The following SGIP1 variants were observed in gnomAD, a reference collection of about 807,000 sequenced individuals.
SGIP1 encodes SH3GL interacting endocytic adaptor 1, also known as SH3-containing GRB2-like protein 3-interacting protein 1.
SGIP1 carries 38 observed loss-of-function variants against 107.5 expected under a neutral mutation model. The ratio of observed to expected loss-of-function variants is 0.35; its 90% CI spans 0.27 to 0.46. The LOEUF is 0.46. SGIP1 is among the 20% of genes least tolerant of loss of function. The pLI, the probability that SGIP1 is intolerant of heterozygous loss-of-function variation, is 1.00. For missense variants in SGIP1, 929 were observed against 1,019.5 expected, an observed-to-expected ratio of 0.91 and a Z score of 1.21; for synonymous variants, 365 against 366.1, an observed-to-expected ratio of 1.00 and a Z score of 0.03.
intron 1 of SGIP1, among the ~76,000 whole-genome samples, chr1:66,565,173 AT>A (rs1217793707): frequency 2.2e-4 from 33 of 152,134 alleles, no homozygotes; most frequent in Non-Finnish European, 4.1e-4. Context: ...CTGCTAATGC[AT>A]TGTCATCTGA....
intron 7 of SGIP1, among the ~76,000 whole-genome samples, chr1:66,650,391 G>T (rs140268757): frequency 6.6e-6 from 1 of 152,092 alleles, no homozygotes; most frequent in African/African-American, 2.4e-5. Context: ...CAAAATATAT[G>T]TTGAGCACCT....
intron 7 of SGIP1, among the ~76,000 whole-genome samples, chr1:66,646,529 T>A (rs1480036407): frequency 6.6e-6 from 1 of 152,214 alleles, no homozygotes; most frequent in Non-Finnish European, 1.5e-5. Context: ...TTTTCATTTA[T>A]TTGTTAATAT....
chr1:66,690,385 C>T (rs1014800609), intron 17 of SGIP1, 69 bp downstream of exon 17: 4 of 1,584,878 alleles, frequency 2.5e-6, no homozygotes, highest in Non-Finnish European at 3.4e-6. Context: ...ATCTGAAATC[C>T]CCAAGGCCCT....
intron 19 of SGIP1, among the ~76,000 whole-genome samples, chr1:66,727,148 C>T (rs796233751): frequency 1.3e-5 from 2 of 152,134 alleles, no homozygotes; most frequent in African/African-American, 4.8e-5. Flanking sequence ...ACAAAACAAG[C>T]CACAGACTGG....
At chr1:66,627,390 G>T (rs1259216361) in intron 2 of SGIP1, among the ~76,000 whole-genome samples, 1 of 152,154 alleles carries the variant, frequency 6.6e-6, no homozygotes, top group African/African-American at 2.4e-5. Context: ...GGGGCAGTTT[G>T]TCTACTTGGG....
chr1:66,618,903 T>C (rs1344891229), intron 1 of SGIP1, among the ~76,000 whole-genome samples: 1 of 152,090 alleles, frequency 6.6e-6, no homozygotes, highest in Non-Finnish European at 1.5e-5. Flanking sequence ...TCAAATTGGG[T>C]TTTAAACCCA....
rs148084183 is a variant in SGIP1 at position 66,682,111 on chromosome 1, G to A, written c.1057G>A (p.Gly353Ser). 4.3e-5 allele frequency: 69 copies of A among 1,613,608 alleles called. No homozygotes were observed. Among genetic ancestry groups the A allele is most frequent in the South Asian group, 5.5e-5 (5 of 91,078 alleles). ...PADSPAPGPL[G>S]PPGPTGPPGP... ...TGACTCCCCAGCTCCAGGCCCTCTCGGCCCCCCAGGTCCCACAGGCCCCCC... is the reference window on the plus strand; with the variant it reads ...TGACTCCCCAGCTCCAGGCCCTCTCAGCCCCCCAGGTCCCACAGGCCCCCC... The change falls in exon 15 of 25, where the codon GGC becomes AGC. Residue 353 changes from glycine to serine, a missense_variant. Physicochemically the swap from Gly to Ser is moderately conservative, Grantham distance 56. Coordinates refer to ENST00000371037, the MANE Select transcript of SGIP1 (RefSeq NM_032291.4).
intron 13 of SGIP1, among the ~76,000 whole-genome samples, chr1:66,678,849 G>A (rs903193008): frequency 6.6e-6 from 1 of 152,138 alleles, no homozygotes; most frequent in Non-Finnish European, 1.5e-5. Context: ...GAGATTGGAC[G>A]GCATTCAGAT....
rs753716831 is a variant in SGIP1 at position 66,660,541 on chromosome 1, TC to T, written c.471+20del. 4.3e-5 allele frequency: 69 copies of T among 1,606,690 alleles called. No homozygotes were observed. The South Asian group carries it at 6.9e-4, about 16-fold the overall frequency. On this transcript the variant is annotated intron_variant, in intron 8 of 24. Transcript: ENST00000371037. ...AAAAGTCCGGTAAGAAATAAGTCCT[TC>T]CCGCTTTTGGGGCAAACATTATTTA... is the stretch of plus-strand genomic sequence containing the variant.
rs560350976 is a variant in SGIP1, at chr1:66,548,182, G to A, written c.10+13814G>A. ...TCTTTAGACAATTACTTGGGTTGTC[G>A]GATGGACTTTAGTAGCTACAGATGG... On this transcript the variant is annotated intron_variant, in intron 1 of 24. Coordinates refer to ENST00000371037, the MANE Select transcript of SGIP1 (RefSeq NM_032291.4). Among the ~76,000 whole-genome samples, 30 of 152,222 alleles carry A rather than the reference G, an allele frequency of 2.0e-4. No homozygotes were observed. The South Asian group carries it at 5.2e-3, about 26-fold the overall frequency.
rs377566764 is a variant in SGIP1 at position 66,703,251 on chromosome 1, C to T, written c.1630+7758C>T. Reference sequence around the variant, plus strand: ...GAAGAATAGAAGAAAGAGAAGAGTTCGGCACTTCCTATGCAAAGCATCCTG... The same window carrying T: ...GAAGAATAGAAGAAAGAGAAGAGTTTGGCACTTCCTATGCAAAGCATCCTG... On this transcript the variant is annotated intron_variant, in intron 18 of 24. Coordinates refer to ENST00000371037, the MANE Select transcript of SGIP1 (RefSeq NM_032291.4). Among the ~76,000 whole-genome samples, 22 of 152,192 alleles carry T rather than the reference C, an allele frequency of 1.4e-4. No individual in the cohort carries two copies. The East Asian group carries it at 3.9e-3, about 27-fold the overall frequency.
intron 1 of SGIP1, among the ~76,000 whole-genome samples, chr1:66,563,442 G>GC (rs2059230956): frequency 6.6e-6 from 1 of 152,018 alleles, no homozygotes; most frequent in South Asian, 2.1e-4. Context: ...AGAGTGACTT[G>GC]CCCGATTCCA....
chr1:66,594,488 G>T (rs924235066), intron 1 of SGIP1, among the ~76,000 whole-genome samples: 8 of 152,058 alleles, frequency 5.3e-5, no homozygotes, highest in African/African-American at 1.7e-4. Flanking sequence ...AAGCAAAGTG[G>T]CTTCAGAAAA....
chr1:66,646,970 C>A (rs1440335145), intron 7 of SGIP1, among the ~76,000 whole-genome samples: 1 of 152,138 alleles, frequency 6.6e-6, no homozygotes, highest in Non-Finnish European at 1.5e-5. Context: ...TGATAAGATA[C>A]CAAGCTTACA....
rs750305706 is a variant in SGIP1 at position 66,681,891 on chromosome 1, G to A, written c.837G>A (p.Glu279=). Residue 279 remains glutamate, a synonymous_variant, in exon 15 of 25, where the codon GAG becomes GAA. Transcript: ENST00000371037. ...IGPGNDQSAT[E]VKIEKLPSIN... is the part of the protein sequence containing the mutation. ...CAGGAAATGACCAGTCAGCCACAGA[G>A]GTCAAAATTGAAAAACTACCATCCA... The A allele has an allele frequency of 2.5e-6, 4 of 1,613,202 alleles. No homozygotes were observed. The highest frequency in any genetic ancestry group is 2.7e-5 in the African/African-American group (2 of 74,904).
At chr1:66,719,180 G>A in intron 18 of SGIP1, 114 bp from the exon 19 acceptor site, 1 of 613,334 alleles carries the variant, frequency 1.6e-6, no homozygotes, top group African/African-American at 1.8e-5. Context: ...AGCACATTTT[G>A]TTTTACATTA....
intron 15 of SGIP1, among the ~76,000 whole-genome samples, chr1:66,682,609 C>T (rs910558364): frequency 6.6e-6 from 1 of 152,058 alleles, no homozygotes; most frequent in Non-Finnish European, 1.5e-5. Flanking sequence ...CTGCCATCCA[C>T]GCTGCAGTTA....
At chr1:66,707,094 G>A (rs2092573947) in intron 18 of SGIP1, among the ~76,000 whole-genome samples, 3 of 151,942 alleles carry the variant, frequency 2.0e-5, no homozygotes, top group Non-Finnish European at 2.9e-5. Context: ...ACACACACAC[G>A]CATGGGCACA....
chr1:66,541,536 A>G (rs2054942855), intron 1 of SGIP1, among the ~76,000 whole-genome samples: 1 of 152,252 alleles, frequency 6.6e-6, no homozygotes, highest in South Asian at 2.1e-4. Flanking sequence ...TTTTCACAGA[A>G]AAGATGTAAA....
Sources: gnomAD v4.1 joint callset for allele counts (sites outside exome capture counted in the v4.1 genomes callset) on GRCh38, gnomAD v4.1.1 for gene constraint, MANE v1.5 for transcripts, NCBI Gene and HGNC (gene_info 2026-07-23, HGNC 2026-07-21) for gene names.